CACNA2D3: variants seen among roughly 807,000 people sequenced by gnomAD.
CACNA2D3 encodes calcium voltage-gated channel auxiliary subunit alpha2delta 3.
CACNA2D3 carries 60 observed loss-of-function variants against 160.6 expected under a neutral mutation model. That is an observed-to-expected ratio of 0.37 (90% CI 0.30 to 0.46). The LOEUF (loss-of-function observed/expected upper bound fraction) is 0.46. CACNA2D3 is among the 20% of genes least tolerant of loss of function. The probability of loss-of-function intolerance (pLI) is 1.00; values close to 1 mark genes in which losing one functional copy is unlikely to be tolerated. For missense variants in CACNA2D3, 1,205 were observed against 1,365.0 expected, an observed-to-expected ratio of 0.88 and a Z score of 1.85; for synonymous variants, 558 against 492.9, an observed-to-expected ratio of 1.13 and a Z score of -1.75.
intron 27 of CACNA2D3, among the ~76,000 whole-genome samples, chr3:54,944,351 A>G (rs1243973223): frequency 2.0e-5 from 3 of 151,964 alleles, no homozygotes; most frequent in Admixed American, 2.0e-4. Context: ...TTCTACTTTT[A>G]AATTCATTTG....
rs1700952529 is a variant in CACNA2D3 at position 54,924,477 on chromosome 3, T to C, written c.2449+24609T>C. On this transcript the variant is annotated intron_variant, in intron 27 of 37. Transcript: ENST00000474759. The stretch of plus-strand genomic sequence containing the variant: ...AATGACTCACTTGACTCTTTTGCCA[T>C]ACCGTGAAATGGCACCGATGTGTAA... 4.5e-6 allele frequency: 3 copies of C among 669,678 alleles called. No homozygotes were observed. The East Asian group carries it at 7.6e-5, about 17-fold the overall frequency. The allele number at this position is 669,678 out of a possible 1,614,324, so 41.5% of individuals were successfully genotyped here. A position where few individuals can be genotyped will look rare whatever the true frequency, so the allele number is the denominator to read the frequency against.
chr3:54,761,841 G>A (rs1204660981), intron 12 of CACNA2D3, among the ~76,000 whole-genome samples: 34 of 152,140 alleles, frequency 2.2e-4, no homozygotes, highest in Non-Finnish European at 2.9e-5. Flanking sequence ...TTTGGGGTTG[G>A]CACACCAAAT....
chr3:54,176,072 A>G (rs973584947), intron 2 of CACNA2D3, among the ~76,000 whole-genome samples: 3 of 152,210 alleles, frequency 2.0e-5, no homozygotes, highest in Non-Finnish European at 4.4e-5. Flanking sequence ...TTCAGAGAAT[A>G]CTGTGCATTG....
intron 4 of CACNA2D3, among the ~76,000 whole-genome samples, chr3:54,440,440 C>CT (rs1559481648): frequency 6.6e-6 from 1 of 151,998 alleles, no homozygotes; most frequent in Admixed American, 6.5e-5. Flanking sequence ...GAATTGCAGA[C>CT]TTTTCAAGGG....
intron 3 of CACNA2D3, among the ~76,000 whole-genome samples, chr3:54,372,344 G>A (rs1698939090): frequency 6.6e-6 from 1 of 152,176 alleles, no homozygotes; most frequent in Non-Finnish European, 1.5e-5. Context: ...GGCAGAGAGG[G>A]GAGCATGGAG....
At chr3:54,800,195 A>G (rs1025925578) in intron 13 of CACNA2D3, among the ~76,000 whole-genome samples, 5 of 152,064 alleles carry the variant, frequency 3.3e-5, no homozygotes, top group Admixed American at 2.0e-4. Flanking sequence ...GCTTCCTTCC[A>G]TATCAGACCC....
chr3:54,646,184 C>CT lies in CACNA2D3; in HGVS notation c.1167+3944dup, dbSNP rs1699642192. On this transcript the variant is annotated intron_variant, in intron 11 of 37. Coordinates refer to ENST00000474759, the MANE Select transcript of CACNA2D3 (RefSeq NM_018398.3). ...CCTCCCTCCCTCCCTCCCTCCCTCC[C>CT]TCCTTCCTTGCTTCCTTCCTTCCTT... Among the ~76,000 whole-genome samples the CT allele has an allele frequency of 1.3e-3, 19 of 14,902 alleles. 1 individual carries two copies. The highest frequency in any genetic ancestry group is 3.2e-3 in the African/African-American group (15 of 4,720). The allele number at this position is 14,902 out of a possible 152,430, so 9.8% of individuals were successfully genotyped here.
rs558603112 is a variant in CACNA2D3 at position 55,040,869 on chromosome 3, C to T, written c.2987+22552C>T. ...AAAATGAGGTAATTTAGAGCAGCATCGCTTCCATTTCCCAATCCTTCATCC... is the reference window on the plus strand; with the variant it reads ...AAAATGAGGTAATTTAGAGCAGCATTGCTTCCATTTCCCAATCCTTCATCC... On this transcript the variant is annotated intron_variant, in intron 35 of 37. Coordinates refer to ENST00000474759, the MANE Select transcript of CACNA2D3 (RefSeq NM_018398.3). 3.3e-5 allele frequency among the ~76,000 whole-genome samples: 5 copies of T among 152,174 alleles called. No homozygotes were observed. In the South Asian group the frequency reaches 6.2e-4, roughly 19 times the overall value.
intron 27 of CACNA2D3, chr3:54,918,152 T>C: frequency 4.0e-6 from 1 of 252,618 alleles, no homozygotes; most frequent in Admixed American, 5.0e-5. Flanking sequence ...CACAGAAGAG[T>C]ACCTGGAAGA....
rs1353379701 is a variant in CACNA2D3 at position 54,562,728 on chromosome 3, G to A, written c.545-72G>A. On this transcript the variant is annotated intron_variant, in intron 5 of 37. Coordinates refer to ENST00000474759, the MANE Select transcript of CACNA2D3 (RefSeq NM_018398.3). ...ACCTTGTGCCAGTATCTGCCAAGCA[G>A]CGTGGGATGCCAGGAATTTTATTTC... is the stretch of plus-strand genomic sequence containing the variant. 20 of 1,345,934 alleles carry A rather than the reference G, an allele frequency of 1.5e-5. No individual in the cohort carries two copies. In the East Asian group the frequency reaches 4.3e-4, roughly 29 times the overall value. The allele number at this position is 1,345,934 out of a possible 1,614,324, so 83.4% of individuals were successfully genotyped here.
chr3:54,921,896 G>T (rs1347199985), intron 27 of CACNA2D3, among the ~76,000 whole-genome samples: 1 of 148,768 alleles, frequency 6.7e-6, no homozygotes, highest in Non-Finnish European at 1.5e-5. Flanking sequence ...TGTAGTGTTT[G>T]CATTTGTTTA....
intron 9 of CACNA2D3, among the ~76,000 whole-genome samples, chr3:54,624,657 A>T (rs1373153800): frequency 6.6e-6 from 1 of 152,164 alleles, no homozygotes; most frequent in Non-Finnish European, 1.5e-5. Flanking sequence ...CTGTGTTAAC[A>T]TGTGTGACTG....
chr3:54,388,403 G>C (rs759455260), intron 4 of CACNA2D3, among the ~76,000 whole-genome samples: 1 of 152,204 alleles, frequency 6.6e-6, no homozygotes, highest in African/African-American at 2.4e-5. Context: ...GGGTGAGGAA[G>C]GTTGAAGAAT....
chr3:54,173,880 G>T (rs1231227639), intron 2 of CACNA2D3, among the ~76,000 whole-genome samples: 1 of 152,160 alleles, frequency 6.6e-6, no homozygotes, highest in Non-Finnish European at 1.5e-5. Context: ...AGCGTGGTTT[G>T]TAAATCCCTG....
intron 9 of CACNA2D3, among the ~76,000 whole-genome samples, chr3:54,609,977 G>A (rs915128010): frequency 3.9e-5 from 6 of 152,028 alleles, no homozygotes; most frequent in African/African-American, 9.7e-5. Flanking sequence ...ATGCTTCCTC[G>A]GAAGCCTGCA....
At chr3:54,881,537 A>G (rs1020251867) in intron 21 of CACNA2D3, among the ~76,000 whole-genome samples, 2 of 152,198 alleles carry the variant, frequency 1.3e-5, no homozygotes, top group African/African-American at 2.4e-5. Flanking sequence ...TATCCTTTTC[A>G]TCTGCCAGCT....
chr3:54,861,725 T>C (rs1699295325), intron 17 of CACNA2D3, among the ~76,000 whole-genome samples: 1 of 152,194 alleles, frequency 6.6e-6, no homozygotes, highest in Non-Finnish European at 1.5e-5. Flanking sequence ...CCAAGAGGCA[T>C]TTAGAAGATA....
chr3:54,211,126 A>T (rs1012983376), intron 2 of CACNA2D3, among the ~76,000 whole-genome samples: 2 of 152,150 alleles, frequency 1.3e-5, no homozygotes, highest in Non-Finnish European at 2.9e-5. Context: ...TTGTGGATAT[A>T]TGTGTATACA....
At position 54,773,673 on chromosome 3, in the gene CACNA2D3, G is replaced by A. The variant is rs115425705; in HGVS notation, c.1380+9322G>A. On this transcript the variant is annotated intron_variant, in intron 13 of 37. Transcript: ENST00000474759. Reference sequence around the variant, plus strand: ...TTTATTTCCATTGAAACAGATTACTGTTATGATTATTTTTTTCCAGGAGAT... The same window carrying A: ...TTTATTTCCATTGAAACAGATTACTATTATGATTATTTTTTTCCAGGAGAT... Among the ~76,000 whole-genome samples, 1,431 of 152,220 alleles carry A rather than the reference G, an allele frequency of 9.4e-3. 27 individuals carry two copies. Among genetic ancestry groups the A allele is most frequent in the African/African-American group, 0.032 (1,328 of 41,530 alleles).
Sources: gnomAD v4.1 joint callset for allele counts (sites outside exome capture counted in the v4.1 genomes callset) on GRCh38, gnomAD v4.1.1 for gene constraint, MANE v1.5 for transcripts, NCBI Gene and HGNC (gene_info 2026-07-23, HGNC 2026-07-21) for gene names.